Variants in ERC2 observed in about 807,000 individuals in gnomAD.
ERC2 encodes the protein ERC protein 2.
A neutral mutation model predicts 114.8 loss-of-function variants in ERC2; 42 were observed. The observed-to-expected ratio is 0.37, with a 90% CI of 0.29 to 0.47. ERC2 has a LOEUF of 0.47. ERC2 is among the 20% of genes least tolerant of loss of function. The probability of loss-of-function intolerance (pLI) is 0.99; values close to 1 mark genes in which losing one functional copy is unlikely to be tolerated. For missense variants in ERC2, 939 were observed against 1,150.7 expected, an observed-to-expected ratio of 0.82 and a Z score of 2.66; for synonymous variants, 454 against 425.5, an observed-to-expected ratio of 1.07 and a Z score of -0.82.
chr3:55,953,896 C>T (rs2067755066), intron 12 of ERC2, among the ~76,000 whole-genome samples: 1 of 152,002 alleles, frequency 6.6e-6, no homozygotes, highest in Admixed American at 6.6e-5. Context: ...TACACCCACA[C>T]TGAATGAATC....
chr3:55,921,472 T>A (rs557896571), intron 13 of ERC2, among the ~76,000 whole-genome samples: 4 of 152,084 alleles, frequency 2.6e-5, no homozygotes, highest in Non-Finnish European at 4.4e-5. Context: ...TGGAGATTGC[T>A]TCTCTACTGG....
chr3:55,893,517 C>A (rs983142703), intron 13 of ERC2, among the ~76,000 whole-genome samples: 4 of 152,194 alleles, frequency 2.6e-5, no homozygotes, highest in African/African-American at 9.6e-5. Context: ...TGAGGATGAC[C>A]AAAAGCCAAC....
At chr3:56,442,666 C>T (rs2062373309) in intron 1 of ERC2, among the ~76,000 whole-genome samples, 1 of 152,202 alleles carries the variant, frequency 6.6e-6, no homozygotes, top group African/African-American at 2.4e-5. Context: ...TTTTAGGACA[C>T]TCATATGTAT....
chr3:55,866,062 G>A (rs2062297772), intron 14 of ERC2, among the ~76,000 whole-genome samples: 1 of 152,126 alleles, frequency 6.6e-6, no homozygotes, highest in South Asian at 2.1e-4. Context: ...CCATTTTACA[G>A]TCCTACTGGC....
chr3:56,428,633 C>A (rs543976938), intron 2 of ERC2, among the ~76,000 whole-genome samples: 1 of 152,188 alleles, frequency 6.6e-6, no homozygotes, highest in East Asian at 1.9e-4. Context: ...AAAGGAAACA[C>A]AGAAATGTGA....
At chr3:55,834,113 G>A (rs2060758085) in intron 14 of ERC2, among the ~76,000 whole-genome samples, 1 of 151,914 alleles carries the variant, frequency 6.6e-6, no homozygotes, top group African/African-American at 2.4e-5. Context: ...CATAAAGCAA[G>A]TCCTGAGTGA....
intron 14 of ERC2, among the ~76,000 whole-genome samples, chr3:55,763,851 A>G (rs1467190180): frequency 2.0e-5 from 3 of 152,222 alleles, no homozygotes; most frequent in African/African-American, 4.8e-5. Flanking sequence ...TCTAAAAATT[A>G]TGGATTTTCC....
At chr3:55,531,035 T>C (rs2053633349) in intron 17 of ERC2, among the ~76,000 whole-genome samples, 1 of 152,132 alleles carries the variant, frequency 6.6e-6, no homozygotes. Flanking sequence ...GTCGATCCCT[T>C]CTCTGATTTT....
At chr3:56,358,211 C>T (rs1553931243) in intron 2 of ERC2, among the ~76,000 whole-genome samples, 2 of 152,130 alleles carry the variant, frequency 1.3e-5, no homozygotes, top group Admixed American at 6.6e-5. Context: ...ATGACTATGG[C>T]ATAGGTTTCT....
chr3:55,719,545 C>T (rs1235792196), intron 15 of ERC2, among the ~76,000 whole-genome samples: 1 of 152,188 alleles, frequency 6.6e-6, no homozygotes, highest in African/African-American at 2.4e-5. Context: ...TTGGGGCTAG[C>T]AGCTCTGGTT....
chr3:55,851,720 C>T (rs1440521044), intron 14 of ERC2, among the ~76,000 whole-genome samples: 3 of 151,804 alleles, frequency 2.0e-5, no homozygotes, highest in African/African-American at 7.3e-5. Flanking sequence ...ATCCCATCTA[C>T]TCTCATTAGA....
chr3:56,223,518 C>CAAA (rs60141863), intron 3 of ERC2, among the ~76,000 whole-genome samples: 1 of 123,010 alleles, frequency 8.1e-6, no homozygotes, highest in African/African-American at 3.2e-5. Context: ...AGAAAAATGG[C>CAAA]AAAAAAAAAA....
At chr3:56,412,304 C>G (rs2060971928) in intron 2 of ERC2, among the ~76,000 whole-genome samples, 1 of 152,206 alleles carries the variant, frequency 6.6e-6, no homozygotes, top group Non-Finnish European at 1.5e-5. Flanking sequence ...AGACTTCTGG[C>G]CTCCACAAAC....
intron 3 of ERC2, among the ~76,000 whole-genome samples, chr3:56,293,162 C>T (rs548420910): frequency 1.3e-5 from 2 of 152,276 alleles, no homozygotes; most frequent in South Asian, 4.1e-4. Context: ...TGTGAATCAA[C>T]GTAAAGCATT....
At chr3:56,360,981 T>C (rs534276168) in intron 2 of ERC2, among the ~76,000 whole-genome samples, 20 of 152,044 alleles carry the variant, frequency 1.3e-4, no homozygotes, top group African/African-American at 4.8e-4. Flanking sequence ...GCATCCACTA[T>C]TGGGGTAGTC....
At chr3:56,158,370 GC>G (rs1247641270) in intron 4 of ERC2, among the ~76,000 whole-genome samples, 1 of 152,022 alleles carries the variant, frequency 6.6e-6, no homozygotes, top group African/African-American at 2.4e-5. Flanking sequence ...TTTTCAACAT[GC>G]AAACTATGTG....
intron 2 of ERC2, among the ~76,000 whole-genome samples, chr3:56,386,678 G>A (rs116528846): frequency 9.9e-4 from 151 of 152,184 alleles, no homozygotes; most frequent in Non-Finnish European, 1.6e-3. Context: ...GGTTTTCCTC[G>A]CTGGAAAGAC....
At chr3:55,658,034 A>C (rs1047237454) in intron 17 of ERC2, 2 of 152,186 alleles carry the variant, frequency 1.3e-5, no homozygotes, top group Non-Finnish European at 2.9e-5. Context: ...GGACTCAATA[A>C]GGGATGCAAT....
intron 13 of ERC2, among the ~76,000 whole-genome samples, chr3:55,929,715 G>C (rs561200715): frequency 6.6e-6 from 1 of 152,164 alleles, no homozygotes; most frequent in Non-Finnish European, 1.5e-5. Flanking sequence ...TCATGGGAAC[G>C]GACTTCCCCC....
Sources: gnomAD v4.1 joint callset for allele counts (sites outside exome capture counted in the v4.1 genomes callset) on GRCh38, gnomAD v4.1.1 for gene constraint, MANE v1.5 for transcripts, NCBI Gene and HGNC (gene_info 2026-07-23, HGNC 2026-07-21) for gene names.